Variants in ACACA observed in about 807,000 individuals in gnomAD.
ACACA encodes the protein acetyl-CoA carboxylase alpha.
Under a neutral mutation model 296.1 loss-of-function variants are expected in ACACA, and 103 were observed. The ratio of observed to expected loss-of-function variants is 0.35; its 90% CI spans 0.30 to 0.41. The LOEUF is 0.41. Ranked by LOEUF, ACACA falls within the 10% of genes least tolerant of loss-of-function variation. The pLI, the probability that ACACA is intolerant of heterozygous loss-of-function variation, is 1.00. For missense variants in ACACA, 1,554 were observed against 2,989.7 expected (o/e 0.52, Z 11.20); for synonymous variants, 953 against 1,038.6 (o/e 0.92, Z 1.58).
chr17:37,381,681 G>A (rs1318959090), intron 1 of ACACA, among the ~76,000 whole-genome samples: 2 of 142,572 alleles, frequency 1.4e-5, no homozygotes, highest in African/African-American at 5.3e-5. Context: ...AGGCTGGAGT[G>A]CAGTGGTGCG....
chr17:37,289,402 A>G lies in ACACA; in HGVS notation c.339-4432T>C, dbSNP rs74716838. On this transcript the variant is annotated intron_variant, in intron 3 of 55. Transcript: ENST00000616317. ...GAAAGGTAACACAGAGAATAAGGCT[A>G]AGGAAGTACCCACACCTTGAAAATC... 2.6e-3 allele frequency: 3,455 copies of G among 1,308,528 alleles called. 71 individuals carry two copies. In the African/African-American group the frequency reaches 0.041, roughly 16 times the overall value. 81.1% of individuals were successfully genotyped at this position (1,308,528 alleles called of 1,614,324 possible).
intron 3 of ACACA, among the ~76,000 whole-genome samples, chr17:37,314,850 A>G (rs1312774796): frequency 6.6e-6 from 1 of 151,070 alleles, no homozygotes; most frequent in African/African-American, 2.4e-5. Flanking sequence ...TGTGTTGGCC[A>G]GGCTGTTCTC....
At chr17:37,207,858 A>G in intron 30 of ACACA, 58 bp from the exon 31 acceptor site, 1 of 1,588,006 alleles carries the variant, frequency 6.3e-7, no homozygotes, top group Non-Finnish European at 8.6e-7. Context: ...AGGACTGGGA[A>G]AGTAACAGTA....
At chr17:37,183,974 T>C (rs552788217) in intron 39 of ACACA, among the ~76,000 whole-genome samples, 1 of 149,558 alleles carries the variant, frequency 6.7e-6, no homozygotes, top group African/African-American at 2.5e-5. Flanking sequence ...TGTCTCAGCC[T>C]CCCGAGTAGC....
At chr17:37,299,951 G>A (rs945516510) in intron 3 of ACACA, among the ~76,000 whole-genome samples, 2 of 152,148 alleles carry the variant, frequency 1.3e-5, no homozygotes, top group African/African-American at 4.8e-5. Context: ...GGAAAAGCAG[G>A]TCAGGTGGGA....
intron 1 of ACACA, chr17:37,375,911 T>C (rs918278345): frequency 1.9e-6 from 1 of 520,830 alleles, no homozygotes; most frequent in South Asian, 3.2e-5. Context: ...TAGCCCTTTC[T>C]CCAATTAGAT....
At chr17:37,356,933 G>A (rs1242896202) in intron 1 of ACACA, among the ~76,000 whole-genome samples, 12 of 152,124 alleles carry the variant, frequency 7.9e-5, no homozygotes, top group Admixed American at 6.6e-4. Context: ...CACGTGACAG[G>A]TATAAAAATT....
At chr17:37,284,756 G>A in intron 4 of ACACA, 82 bp downstream of exon 4, 1 of 1,586,514 alleles carries the variant, frequency 6.3e-7, no homozygotes, top group Non-Finnish European at 8.6e-7. Context: ...ATATCAATTG[G>A]GAGCAAATCT....
chr17:37,325,802 G>A (rs550306358), intron 3 of ACACA, among the ~76,000 whole-genome samples: 1 of 151,890 alleles, frequency 6.6e-6, no homozygotes, highest in East Asian at 2.0e-4. Flanking sequence ...TTGAACTGCT[G>A]ACTTCAGGTG....
chr17:37,193,981 TA>T (rs1327743063), intron 35 of ACACA, among the ~76,000 whole-genome samples: 2 of 152,196 alleles, frequency 1.3e-5, no homozygotes, highest in African/African-American at 4.8e-5. Context: ...TAGGAAAGAA[TA>T]AGGTTAGAAC....
intron 3 of ACACA, among the ~76,000 whole-genome samples, chr17:37,305,721 T>C (rs2083842645): frequency 6.6e-6 from 1 of 152,136 alleles, no homozygotes; most frequent in Non-Finnish European, 1.5e-5. Context: ...ATGGACATCA[T>C]CCACCACCCA....
At position 37,105,755 on chromosome 17, in the gene ACACA, T is replaced by G. The variant is rs1161469026; in HGVS notation, c.6565+5776A>C. On this transcript the variant is annotated intron_variant, in intron 52 of 55. Transcript: ENST00000616317. ...GGTGCATGCCTATAATCCTAGCTACTCAGGAGGCTGAGGTAGGAGAACTGC... is the reference window on the plus strand; with the variant it reads ...GGTGCATGCCTATAATCCTAGCTACGCAGGAGGCTGAGGTAGGAGAACTGC... Among the ~76,000 whole-genome samples the G allele has an allele frequency of 2.7e-5, 4 of 150,276 alleles. No individual in the cohort carries two copies. In the East Asian group the frequency reaches 7.9e-4, roughly 30 times the overall value.
intron 50 of ACACA, among the ~76,000 whole-genome samples, chr17:37,117,775 G>A (rs2074327147): frequency 6.8e-6 from 1 of 147,652 alleles, no homozygotes; most frequent in African/African-American, 2.6e-5. Flanking sequence ...AGACCTCCTA[G>A]GCCGACTAGT....
At chr17:37,240,701 T>C in intron 23 of ACACA, 137 bp from the exon 24 acceptor site, 1 of 704,822 alleles carries the variant, frequency 1.4e-6, no homozygotes, top group Non-Finnish European at 2.5e-6. Context: ...TAAAATGAAC[T>C]ACAAAATTAA....
At chr17:37,275,067 T>G (rs2082220559) in intron 8 of ACACA, among the ~76,000 whole-genome samples, 1 of 152,252 alleles carries the variant, frequency 6.6e-6, no homozygotes, top group Non-Finnish European at 1.5e-5. Context: ...TAAATCACTT[T>G]TTGAAAATTC....
intron 45 of ACACA, among the ~76,000 whole-genome samples, chr17:37,137,857 G>A (rs2075396591): frequency 6.6e-6 from 1 of 152,106 alleles, no homozygotes; most frequent in African/African-American, 2.4e-5. Flanking sequence ...ATTGAGAAAG[G>A]CATATTTTAC....
At chr17:37,183,883 A>T (rs1249288675) in intron 39 of ACACA, among the ~76,000 whole-genome samples, 3 of 116,230 alleles carry the variant, frequency 2.6e-5, no homozygotes, top group African/African-American at 3.6e-5. Context: ...ACGGAGTTTC[A>T]CTCTTGTTGC....
chr17:37,236,167 T>G (rs889871359), intron 24 of ACACA, among the ~76,000 whole-genome samples: 5 of 152,186 alleles, frequency 3.3e-5, no homozygotes, highest in African/African-American at 1.2e-4. Context: ...ACTGGACCAG[T>G]GTAACCAGGC....
chr17:37,130,512 G>A (rs558051258), intron 45 of ACACA, among the ~76,000 whole-genome samples: 1 of 152,150 alleles, frequency 6.6e-6, no homozygotes, highest in African/African-American at 2.4e-5. Flanking sequence ...CGCGGCACAT[G>A]TATACATATG....
Sources: gnomAD v4.1 joint callset for allele counts (sites outside exome capture counted in the v4.1 genomes callset) on GRCh38, gnomAD v4.1.1 for gene constraint, MANE v1.5 for transcripts, NCBI Gene and HGNC (gene_info 2026-07-23, HGNC 2026-07-21) for gene names.